The following KLHL28 variants were observed in gnomAD, a reference collection of about 807,000 sequenced individuals.
KLHL28 encodes the protein kelch-like protein 28.
A neutral mutation model predicts 48.3 loss-of-function variants in KLHL28; 22 were observed. The ratio of observed to expected loss-of-function variants is 0.46; its 90% CI spans 0.33 to 0.65. The LOEUF (loss-of-function observed/expected upper bound fraction) is 0.65. Ranked by LOEUF, KLHL28 falls within the 30% of genes least tolerant of loss-of-function variation. KLHL28 has a pLI of 0.03. For missense variants in KLHL28, 527 were observed against 704.3 expected, an observed-to-expected ratio of 0.75 and a Z score of 2.85; for synonymous variants, 243 against 242.4, an observed-to-expected ratio of 1.00 and a Z score of -0.02.
intron 4 of KLHL28, among the ~76,000 whole-genome samples, chr14:44,930,117 T>A (rs1362926775): frequency 2.6e-5 from 4 of 152,228 alleles, no homozygotes; most frequent in East Asian, 1.9e-4. Flanking sequence ...ATTGTTTCTG[T>A]GGCTTTCCCT....
intron 1 of KLHL28, among the ~76,000 whole-genome samples, chr14:44,957,981 G>T (rs2138674165): frequency 6.6e-6 from 1 of 150,680 alleles, no homozygotes; most frequent in African/African-American, 2.4e-5. Context: ...ATGAAATAAA[G>T]AAGGATCCAT....
rs397968833 is a variant in KLHL28, at chr14:44,928,684, TAA to T, written c.*342_*343del. 1.1e-3 allele frequency: 87 copies of T among 78,106 alleles called. No individual in the cohort carries two copies. Among genetic ancestry groups the T allele is most frequent in the Non-Finnish European group, 1.7e-3 (65 of 38,214 alleles). The allele number at this position is 78,106 out of a possible 1,614,324, so 4.8% of individuals were successfully genotyped here. On this transcript the variant is annotated 3_prime_UTR_variant, in exon 5 of 5. Coordinates refer to ENST00000396128, the MANE Select transcript of KLHL28 (RefSeq NM_017658.5). ...GGTTATCAGGGAAGGAGAGCTAAAA[TAA>T]AAAAAAAAAAAAAAAAAAAGCAGCC... is the stretch of plus-strand genomic sequence containing the variant.
intron 4 of KLHL28, among the ~76,000 whole-genome samples, chr14:44,929,737 C>T (rs1883504348): frequency 1.3e-5 from 2 of 152,076 alleles, no homozygotes; most frequent in Admixed American, 1.3e-4. Context: ...TGGCTGGAGG[C>T]CAAAAGTTTG....
intron 1 of KLHL28, among the ~76,000 whole-genome samples, chr14:44,951,358 C>T (rs1884572184): frequency 6.6e-6 from 1 of 152,202 alleles, no homozygotes; most frequent in Non-Finnish European, 1.5e-5. Flanking sequence ...AAGCTGCAGT[C>T]CTGAGGTCCA....
intron 1 of KLHL28, among the ~76,000 whole-genome samples, chr14:44,952,029 T>C (rs942636488): frequency 1.3e-5 from 2 of 152,066 alleles, no homozygotes; most frequent in African/African-American, 4.8e-5. Context: ...CGACTAGTTT[T>C]TGTATTTTTT....
intron 1 of KLHL28, among the ~76,000 whole-genome samples, chr14:44,950,945 T>C (rs1884554074): frequency 6.6e-6 from 1 of 152,234 alleles, no homozygotes. Context: ...GCCTCACTAA[T>C]TCTATCAGTA....
chr14:44,933,268 C>A (rs1883661959), intron 3 of KLHL28, among the ~76,000 whole-genome samples: 1 of 151,784 alleles, frequency 6.6e-6, no homozygotes, highest in South Asian at 2.1e-4. Context: ...TAACACAAAC[C>A]ACTCTAATTA....
At chr14:44,932,831 A>G (rs1883644873) in intron 3 of KLHL28, among the ~76,000 whole-genome samples, 1 of 152,148 alleles carries the variant, frequency 6.6e-6, no homozygotes, top group African/African-American at 2.4e-5. Flanking sequence ...TTTTTCCTTC[A>G]ACTAAGGGCA....
rs748378899 is a variant in KLHL28, at chr14:44,948,043, AC to A, written c.1-2116del. The stretch of plus-strand genomic sequence containing the variant: ...AGTTATTCCAGTGTTGATCTTTTTA[AC>A]CTATGTAACTTCTTTTAGCCTCAGT... On this transcript the variant is annotated intron_variant, in intron 1 of 4. Transcript: ENST00000396128. Among the ~76,000 whole-genome samples, 8 of 152,166 alleles carry A rather than the reference AC, an allele frequency of 5.3e-5. No individual in the cohort carries two copies. In the East Asian group the frequency reaches 1.5e-3, roughly 29 times the overall value.
At chr14:44,941,446 T>C (rs1884078494) in intron 2 of KLHL28, among the ~76,000 whole-genome samples, 1 of 147,480 alleles carries the variant, frequency 6.8e-6, no homozygotes, top group Admixed American at 6.7e-5. Context: ...AGCCTCAGCA[T>C]GGAGAAACCC....
intron 1 of KLHL28, 66 bp from the exon 2 acceptor site, chr14:44,945,994 A>G: frequency 8.1e-7 from 1 of 1,241,660 alleles, no homozygotes; most frequent in Non-Finnish European, 1.2e-6. Context: ...ACTGCTTTTC[A>G]AATAGTACAG....
chr14:44,931,833 T>C (rs1282830181), intron 3 of KLHL28, among the ~76,000 whole-genome samples: 2 of 152,094 alleles, frequency 1.3e-5, no homozygotes, highest in African/African-American at 2.4e-5. Context: ...TAATTCTGTA[T>C]ACCTAGGGCT....
chr14:44,940,406 G>A (rs117341422), intron 2 of KLHL28, among the ~76,000 whole-genome samples: 20 of 152,336 alleles, frequency 1.3e-4, no homozygotes, highest in Non-Finnish European at 2.4e-4. Context: ...GTGTTGAGAT[G>A]AGTGATGTGG....
Position 44,945,139 on chromosome 14 carries a change from G to A in KLHL28, c.790C>T (p.Pro264Ser), listed in dbSNP as rs754189474. The A allele has an allele frequency of 1.2e-6, 2 of 1,613,654 alleles. No homozygotes were observed. Among genetic ancestry groups the A allele is most frequent in the African/African-American group, 1.3e-5 (1 of 74,896 alleles). ...LNEALKYHFM[P>S]EHRLSHQTVL... ...GTCTGATGAGAGAGTCTATGTTCAG[G>A]CATAAAGTGGTACTTTAGGGCTTCA... The change falls in exon 2 of 5, where the codon CCT becomes TCT. Residue 264 changes from proline (P) to serine (S), a missense_variant. Transcript: ENST00000396128.
intron 1 of KLHL28, among the ~76,000 whole-genome samples, chr14:44,951,488 C>T (rs919937008): frequency 9.9e-5 from 15 of 152,192 alleles, no homozygotes; most frequent in African/African-American, 3.6e-4. Context: ...GTTGTTAAAA[C>T]CTTTTAAATA....
chr14:44,948,904 A>G (rs933914871), intron 1 of KLHL28, among the ~76,000 whole-genome samples: 3 of 152,140 alleles, frequency 2.0e-5, no homozygotes, highest in African/African-American at 7.2e-5. Flanking sequence ...TAATTCAATT[A>G]TACGTGTTGC....
intron 1 of KLHL28, among the ~76,000 whole-genome samples, chr14:44,958,542 T>C (rs758003328): frequency 1.1e-4 from 16 of 152,146 alleles, no homozygotes; most frequent in Non-Finnish European, 2.2e-4. Context: ...CAACTAATAA[T>C]GGTATATAAT....
chr14:44,947,114 C>A (rs1884371405), intron 1 of KLHL28, among the ~76,000 whole-genome samples: 1 of 152,120 alleles, frequency 6.6e-6, no homozygotes, highest in Non-Finnish European at 1.5e-5. Context: ...GAGATGGGGA[C>A]AAGATCCTGG....
At chr14:44,960,998 TC>T in intron 1 of KLHL28, 1 of 896,108 alleles carries the variant, frequency 1.1e-6, no homozygotes, top group Non-Finnish European at 1.7e-6. Context: ...TATTATTCCT[TC>T]AAAAAAAAAA....
Sources: gnomAD v4.1 joint callset for allele counts (sites outside exome capture counted in the v4.1 genomes callset) on GRCh38, gnomAD v4.1.1 for gene constraint, MANE v1.5 for transcripts, NCBI Gene and HGNC (gene_info 2026-07-23, HGNC 2026-07-21) for gene names.